The following CCDC122 variants were observed in gnomAD, a reference collection of about 807,000 sequenced individuals.
CCDC122 encodes coiled-coil domain containing 122.
A neutral mutation model predicts 37.0 loss-of-function variants in CCDC122; 38 were observed. That is an observed-to-expected ratio of 1.03 (90% CI 0.79 to 1.35). The LOEUF (loss-of-function observed/expected upper bound fraction) is 1.35, where lower values mean the gene tolerates loss of function less well. Ranked by LOEUF, CCDC122 falls within the 40% of genes most tolerant of loss-of-function variation. CCDC122 has a pLI of 0.00. For missense variants in CCDC122, 305 were observed against 310.0 expected (o/e 0.98, Z 0.12); for synonymous variants, 83 against 95.6 (o/e 0.87, Z 0.77).
At chr13:43,865,376 A>G (rs1179932729) in intron 4 of CCDC122, among the ~76,000 whole-genome samples, 5 of 151,454 alleles carry the variant, frequency 3.3e-5, no homozygotes, top group Non-Finnish European at 7.4e-5. Context: ...TAGATACAGT[A>G]CTCCCTCCTT....
downstream of CCDC122, among the ~76,000 whole-genome samples, chr13:43,821,591 C>T (rs143355831): frequency 6.6e-6 from 1 of 152,270 alleles, no homozygotes; most frequent in East Asian, 1.9e-4. Context: ...CATCTCTTTA[C>T]CTTCTTTTTA....
intron 6 of CCDC122, among the ~76,000 whole-genome samples, chr13:43,852,800 C>G (rs1196250402): frequency 6.6e-6 from 1 of 151,780 alleles, no homozygotes; most frequent in Non-Finnish European, 1.5e-5. Flanking sequence ...TCAGCAGAAA[C>G]CCTACAAGCA....
intron 2 of CCDC122, among the ~76,000 whole-genome samples, chr13:43,874,179 G>T (rs369911077): frequency 6.6e-6 from 1 of 152,118 alleles, no homozygotes; most frequent in Non-Finnish European, 1.5e-5. Flanking sequence ...TTTAAATCTA[G>T]ATTGCACTAC....
At chr13:43,861,200 G>A (rs547972144) in intron 4 of CCDC122, among the ~76,000 whole-genome samples, 1 of 152,256 alleles carries the variant, frequency 6.6e-6, no homozygotes, top group East Asian at 1.9e-4. Flanking sequence ...GGCCAACCCA[G>A]GCATGTCTTA....
intron 4 of CCDC122, among the ~76,000 whole-genome samples, chr13:43,865,176 G>A (rs1353819818): frequency 2.0e-5 from 3 of 152,144 alleles, no homozygotes; most frequent in Non-Finnish European, 4.4e-5. Context: ...AGTTCTGTGA[G>A]TCATTCTAAA....
intron 4 of CCDC122, among the ~76,000 whole-genome samples, chr13:43,864,413 A>G (rs919766291): frequency 1.3e-5 from 2 of 152,102 alleles, no homozygotes; most frequent in African/African-American, 4.8e-5. Flanking sequence ...CATGATTCTG[A>G]TGGCTGGAAA....
At chr13:43,826,891 C>CA (rs1388602105) in intron 3 of CCDC122, among the ~76,000 whole-genome samples, 1 of 152,036 alleles carries the variant, frequency 6.6e-6, no homozygotes, top group Admixed American at 6.6e-5. Flanking sequence ...AACAATAAAA[C>CA]AAAGTTAAAT....
intron 3 of CCDC122, among the ~76,000 whole-genome samples, chr13:43,830,668 C>T (rs1004793154): frequency 4.6e-5 from 7 of 152,124 alleles, no homozygotes; most frequent in Non-Finnish European, 8.8e-5. Flanking sequence ...TGTTACACAA[C>T]GTTTCAGAAA....
intron 3 of CCDC122, among the ~76,000 whole-genome samples, chr13:43,825,702 G>A (rs770314080): frequency 2.0e-5 from 3 of 149,680 alleles, no homozygotes; most frequent in Admixed American, 6.8e-5. Context: ...CTCGGGAGGC[G>A]GAGGTTGCAG....
chr13:43,839,150 G>C (rs1445725934), intron 6 of CCDC122, among the ~76,000 whole-genome samples: 1 of 151,984 alleles, frequency 6.6e-6, no homozygotes, highest in East Asian at 1.9e-4. Context: ...TCATGGTGAG[G>C]GCTAAATTCC....
intron 3 of CCDC122, among the ~76,000 whole-genome samples, chr13:43,825,195 T>C (rs1953028236): frequency 6.6e-6 from 1 of 152,190 alleles, no homozygotes. Context: ...ATGTGGTACA[T>C]ATACACCATG....
At position 43,869,316 on chromosome 13, in the gene CCDC122, A is replaced by C. The variant is rs1176644901; in HGVS notation, c.46+15T>G. 8 of 1,577,168 alleles carry C rather than the reference A, an allele frequency of 5.1e-6. No individual in the cohort carries two copies. Among genetic ancestry groups the C allele is most frequent in the Admixed American group, 1.7e-5 (1 of 59,228 alleles). ...TGATCTTTTAATTATTTATTTCTTAAGACTGTTTCATTACCTTCTTTAGGA... is the reference window on the plus strand; with the variant it reads ...TGATCTTTTAATTATTTATTTCTTACGACTGTTTCATTACCTTCTTTAGGA... On this transcript the variant is annotated intron_variant, in intron 3 of 6. Coordinates refer to ENST00000444614, the MANE Select transcript of CCDC122 (RefSeq NM_144974.5).
intron 3 of CCDC122, among the ~76,000 whole-genome samples, chr13:43,829,032 A>T (rs1303067700): frequency 6.6e-6 from 1 of 152,226 alleles, no homozygotes; most frequent in Non-Finnish European, 1.5e-5. Context: ...ATAAATTGTT[A>T]CTAATCTTAT....
Position 43,864,523 on chromosome 13 carries a change from G to A in CCDC122, c.156+4171C>T, listed in dbSNP as rs553606799. ...GGCCTTTGCAGCAGTCACATGGTGG[G>A]AAAGAAAGCAAGAGAGGGAGCCGGG... On this transcript the variant is annotated intron_variant, in intron 4 of 6. Coordinates refer to ENST00000444614, the MANE Select transcript of CCDC122 (RefSeq NM_144974.5). Among the ~76,000 whole-genome samples the A allele has an allele frequency of 2.6e-5, 4 of 152,264 alleles. No individual in the cohort carries two copies. The East Asian group carries it at 5.8e-4, about 22-fold the overall frequency.
At chr13:43,835,227 G>A (rs576468289), downstream of CCDC122, among the ~76,000 whole-genome samples, 7 of 152,136 alleles carry the variant, frequency 4.6e-5, no homozygotes, top group South Asian at 2.1e-4. Context: ...ACCAAACACC[G>A]CGTGTTCTCA....
At chr13:43,849,234 T>G (rs1357752898) in intron 6 of CCDC122, 1 of 238,146 alleles carries the variant, frequency 4.2e-6, no homozygotes, top group Non-Finnish European at 6.8e-6. Context: ...AAAAGTTTAT[T>G]AAATTTCATG....
chr13:43,837,434 C>G lies in CCDC122; in HGVS notation c.673-5G>C, dbSNP rs200762724. 4.1e-4 allele frequency: 652 copies of G among 1,608,606 alleles called. No homozygotes were observed. The highest frequency in any genetic ancestry group is 5.3e-4 in the Non-Finnish European group (626 of 1,178,250). ...ATCATACCTCTTATGTTGTACCTATCAAAAGAAGAGCACACATCAACAGGG... is the reference window on the plus strand; with the variant it reads ...ATCATACCTCTTATGTTGTACCTATGAAAAGAAGAGCACACATCAACAGGG... On this transcript the variant is annotated splice_region_variant and splice_polypyrimidine_tract_variant and intron_variant, in intron 6 of 6. Transcript: ENST00000444614.
intron 6 of CCDC122, chr13:43,855,365 A>C (rs1446481842): frequency 2.4e-5 from 1 of 42,344 alleles, no homozygotes; most frequent in Admixed American, 2.3e-4. Flanking sequence ...CACAGTTGCC[A>C]CACACACACA....
At chr13:43,846,096 C>T (rs947018474) in intron 6 of CCDC122, among the ~76,000 whole-genome samples, 9 of 150,582 alleles carry the variant, frequency 6.0e-5, no homozygotes, top group East Asian at 1.9e-4. Context: ...TTTTTTGAGA[C>T]GGAGTTTCAC....
Sources: allele counts gnomAD v4.1 joint callset (sites outside exome capture counted in the v4.1 genomes callset), GRCh38; gene constraint gnomAD v4.1.1; transcripts MANE v1.5; gene names NCBI Gene and HGNC (gene_info 2026-07-23, HGNC 2026-07-21).